The following RFX3 variants were observed in gnomAD, a reference collection of about 807,000 sequenced individuals.
The protein encoded by RFX3 is transcription factor RFX3.
A neutral mutation model predicts 98.6 loss-of-function variants in RFX3; 14 were observed. The ratio of observed to expected loss-of-function variants is 0.14; its 90% CI spans 0.09 to 0.22. RFX3 has a LOEUF of 0.22. RFX3 is among the 10% of genes least tolerant of loss of function. The pLI is 1.00. For missense variants in RFX3, 639 were observed against 926.9 expected (o/e 0.69, Z 4.03); for synonymous variants, 383 against 328.4 (o/e 1.17, Z -1.80).
At chr9:3,389,215 A>C (rs1233082204) in intron 2 of RFX3, among the ~76,000 whole-genome samples, 1 of 152,144 alleles carries the variant, frequency 6.6e-6, no homozygotes, top group Non-Finnish European at 1.5e-5. Context: ...CTGGATGTTT[A>C]ACTCAGTTCT....
intron 7 of RFX3, among the ~76,000 whole-genome samples, chr9:3,281,174 G>A (rs1825869731): frequency 1.3e-5 from 2 of 151,256 alleles, no homozygotes; most frequent in Admixed American, 1.3e-4. Context: ...ATATTCTATT[G>A]GCTTACATAG....
At chr9:3,424,018 G>A (rs1045444118) in intron 1 of RFX3, among the ~76,000 whole-genome samples, 3 of 151,130 alleles carry the variant, frequency 2.0e-5, no homozygotes, top group African/African-American at 7.3e-5. Flanking sequence ...GTGGTGGCAG[G>A]TGCCTGTAGT....
intron 4 of RFX3, among the ~76,000 whole-genome samples, chr9:3,319,559 A>G (rs1315776360): frequency 3.9e-5 from 6 of 152,218 alleles, no homozygotes; most frequent in African/African-American, 1.4e-4. Context: ...TTGAACTTGT[A>G]TAAGCAATAT....
At chr9:3,367,440 T>C (rs1473312190) in intron 2 of RFX3, among the ~76,000 whole-genome samples, 2 of 152,182 alleles carry the variant, frequency 1.3e-5, no homozygotes, top group Non-Finnish European at 1.5e-5. Context: ...GACAGACACA[T>C]TACTTTCAGT....
At chr9:3,480,063 G>A (rs1001095231) in intron 1 of RFX3, among the ~76,000 whole-genome samples, 1 of 152,184 alleles carries the variant, frequency 6.6e-6, no homozygotes, top group Non-Finnish European at 1.5e-5. Context: ...ATTGTCGCAT[G>A]TTTCTTTTGC....
intron 2 of RFX3, among the ~76,000 whole-genome samples, chr9:3,380,073 T>C (rs1839014415): frequency 6.6e-6 from 1 of 151,974 alleles, no homozygotes; most frequent in Non-Finnish European, 1.5e-5. Context: ...ATTACAGGCA[T>C]GCACCACCAT....
intron 1 of RFX3, among the ~76,000 whole-genome samples, chr9:3,489,936 G>A (rs529579434): frequency 3.3e-5 from 5 of 152,098 alleles, no homozygotes; most frequent in African/African-American, 4.8e-5. Flanking sequence ...GGCAGGATTG[G>A]TTGGGATGGG....
At chr9:3,339,210 T>A (rs2131025153) in intron 3 of RFX3, among the ~76,000 whole-genome samples, 1 of 152,202 alleles carries the variant, frequency 6.6e-6, no homozygotes. Context: ...TTACCAAAAT[T>A]TCCAGTGCTA....
chr9:3,298,767 GA>G (rs1828304926), intron 5 of RFX3, among the ~76,000 whole-genome samples: 1 of 151,726 alleles, frequency 6.6e-6, no homozygotes, highest in Non-Finnish European at 1.5e-5. Context: ...CTGCTGAGGG[GA>G]TTATTTATCT....
At chr9:3,264,431 C>G (rs1823346976) in intron 12 of RFX3, among the ~76,000 whole-genome samples, 1 of 152,102 alleles carries the variant, frequency 6.6e-6, no homozygotes. Context: ...GATGCTCTAT[C>G]TTGACATGAG....
At chr9:3,410,318 T>C (rs1341808588) in intron 1 of RFX3, among the ~76,000 whole-genome samples, 3 of 152,082 alleles carry the variant, frequency 2.0e-5, no homozygotes, top group Non-Finnish European at 4.4e-5. Flanking sequence ...TAGAGTATCT[T>C]GGTGTTCCAT....
chr9:3,394,260 G>A (rs1840623067), intron 2 of RFX3, among the ~76,000 whole-genome samples: 2 of 152,030 alleles, frequency 1.3e-5, no homozygotes, highest in African/African-American at 2.4e-5. Context: ...TCAGGAGATC[G>A]AGACCATCCT....
intron 2 of RFX3, among the ~76,000 whole-genome samples, chr9:3,384,529 T>C (rs1333934325): frequency 6.6e-6 from 1 of 152,162 alleles, no homozygotes; most frequent in African/African-American, 2.4e-5. Flanking sequence ...CCTTGCAGGG[T>C]TGTTTTAAGC....
At chr9:3,344,544 A>G (rs1677180445) in intron 3 of RFX3, among the ~76,000 whole-genome samples, 1 of 152,190 alleles carries the variant, frequency 6.6e-6, no homozygotes, top group Non-Finnish European at 1.5e-5. Context: ...GGACCAGTAC[A>G]AAATGAGAAA....
intron 7 of RFX3, among the ~76,000 whole-genome samples, chr9:3,282,861 C>T (rs1378778601): frequency 6.6e-6 from 1 of 151,760 alleles, no homozygotes; most frequent in East Asian, 1.9e-4. Flanking sequence ...TTCTTGAATA[C>T]AGCAAAATTA....
In RFX3 at chr9:3,270,361, T is replaced by A. The variant is rs763847087; in HGVS notation, c.1357+10A>T. 1 of 1,608,970 alleles carries A rather than the reference T, an allele frequency of 6.2e-7. No individual in the cohort carries two copies. Among genetic ancestry groups the A allele is most frequent in the Admixed American group, 1.7e-5 (1 of 58,912 alleles). On this transcript the variant is annotated intron_variant, in intron 11 of 16. Transcript: ENST00000617270. ...ACAAAAGCATCCGTACTCGTCTGCA[T>A]TTAACTTACTAGGAATAGGTCTAAG...
At chr9:3,417,865 G>C (rs1843109032) in intron 1 of RFX3, among the ~76,000 whole-genome samples, 1 of 152,102 alleles carries the variant, frequency 6.6e-6, no homozygotes, top group Admixed American at 6.5e-5. Flanking sequence ...CATATGATTT[G>C]CTTAATAAGG....
At chr9:3,290,540 G>A (rs780425315) in intron 6 of RFX3, among the ~76,000 whole-genome samples, 3 of 152,096 alleles carry the variant, frequency 2.0e-5, no homozygotes, top group Non-Finnish European at 4.4e-5. Context: ...GGAGATAGTA[G>A]GTTAGGTCCC....
intron 2 of RFX3, among the ~76,000 whole-genome samples, chr9:3,358,613 A>G (rs1267573473): frequency 1.3e-5 from 2 of 152,204 alleles, no homozygotes; most frequent in Non-Finnish European, 2.9e-5. Context: ...ACCAAATTAA[A>G]TAGTGAAAAT....
Sources: allele counts gnomAD v4.1 joint callset (sites outside exome capture counted in the v4.1 genomes callset), GRCh38; gene constraint gnomAD v4.1.1; transcripts MANE v1.5; gene names NCBI Gene and HGNC (gene_info 2026-07-23, HGNC 2026-07-21).